The following KIAA0753 variants were observed in gnomAD, a reference collection of about 807,000 sequenced individuals.
KIAA0753 encodes the protein protein moonraker.
Under a neutral mutation model 116.9 loss-of-function variants are expected in KIAA0753, and 114 were observed. The observed-to-expected ratio is 0.98, with a 90% CI of 0.84 to 1.14. The LOEUF is 1.14. Among genes scored for constraint, KIAA0753 ranks in the 50% most tolerant of loss-of-function variants. The pLI, the probability that KIAA0753 is intolerant of heterozygous loss-of-function variation, is 0.00. For synonymous variants in KIAA0753, 405 were observed against 413.1 expected, an observed-to-expected ratio of 0.98 and a Z score of 0.24; for missense variants, 1,156 against 1,172.4, an observed-to-expected ratio of 0.99 and a Z score of 0.20.
At position 6,590,567 on chromosome 17, in the gene KIAA0753, G is replaced by A. The variant is rs1240088481; in HGVS notation, c.2504C>T (p.Thr835Ile). ...LSPHPIRITKTVDRKDPAVNI... is the reference protein window; with the variant it reads ...LSPHPIRITKIVDRKDPAVNI... ...CACGGCTGGATCCTTGCGATCCACT[G>A]TCTTCGTGATTCTGATTGGATGAGG... Residue 835 changes from threonine (T) to isoleucine (I), a missense_variant, in exon 17 of 19, where the codon ACA becomes ATA. Physicochemically the swap from Thr to Ile is moderately conservative, Grantham distance 89 (BLOSUM62 -1). Coordinates refer to ENST00000361413, the MANE Select transcript of KIAA0753 (RefSeq NM_014804.3). The A allele has an allele frequency of 1.2e-6, 2 of 1,613,866 alleles. No homozygotes were observed. The highest frequency in any genetic ancestry group is 2.2e-5 in the East Asian group (1 of 44,894).
At position 6,623,445 on chromosome 17, in the gene KIAA0753, C is replaced by G. The variant is rs10521150; in HGVS notation, c.888+64G>C. ...TTAGTGCAGAGGGCCCTACACAATACTAACAAAACACTGGGAAATGTCATT... is the reference window on the plus strand; with the variant it reads ...TTAGTGCAGAGGGCCCTACACAATAGTAACAAAACACTGGGAAATGTCATT... On this transcript the variant is annotated intron_variant, in intron 5 of 18. Transcript: ENST00000361413. 0.098 allele frequency: 135,438 copies of G among 1,381,418 alleles called. 7,388 individuals carry two copies. The highest frequency in any genetic ancestry group is 0.12 in the African/African-American group (8,355 of 69,544). The allele number at this position is 1,381,418 out of a possible 1,614,324, so 85.6% of individuals were successfully genotyped here.
intron 12 of KIAA0753, among the ~76,000 whole-genome samples, chr17:6,606,018 T>TGACC (rs747186956): frequency 3.9e-5 from 6 of 152,122 alleles, no homozygotes; most frequent in Non-Finnish European, 8.8e-5. Flanking sequence ...TAGCTATAAA[T>TGACC]GACCATGAAA....
intron 7 of KIAA0753, among the ~76,000 whole-genome samples, chr17:6,618,398 C>T (rs1158592113): frequency 6.6e-6 from 1 of 152,232 alleles, no homozygotes; most frequent in Non-Finnish European, 1.5e-5. Context: ...ATTTTATAGC[C>T]TGTCGCTCAG....
chr17:6,627,583 G>A (rs75751520), intron 3 of KIAA0753, among the ~76,000 whole-genome samples: 1,576 of 152,216 alleles, frequency 0.01, 31 homozygotes, highest in African/African-American at 0.035. Context: ...CTGCAGAACT[G>A]TAGAAAACCA....
At chr17:6,625,437 T>A (rs960243718) in intron 3 of KIAA0753, among the ~76,000 whole-genome samples, 4 of 152,018 alleles carry the variant, frequency 2.6e-5, no homozygotes, top group African/African-American at 9.7e-5. Flanking sequence ...GAGGCTGAGA[T>A]GGGCGGATCA....
chr17:6,594,602 G>T (rs1007904552), intron 16 of KIAA0753, among the ~76,000 whole-genome samples: 3 of 152,096 alleles, frequency 2.0e-5, no homozygotes, highest in Admixed American at 6.5e-5. Context: ...ATAGGGGTTT[G>T]CATAACAGAC....
intron 18 of KIAA0753, among the ~76,000 whole-genome samples, chr17:6,580,511 T>C (rs1342800474): frequency 6.6e-6 from 1 of 151,862 alleles, no homozygotes; most frequent in Admixed American, 6.5e-5. Flanking sequence ...AGAGATGGGG[T>C]TTCACCATGT....
intron 10 of KIAA0753, among the ~76,000 whole-genome samples, chr17:6,607,607 T>A (rs939038844): frequency 1.3e-5 from 2 of 152,216 alleles, no homozygotes; most frequent in Non-Finnish European, 2.9e-5. Flanking sequence ...AGGAGCCATA[T>A]AGGCATGGTG....
chr17:6,622,676 C>T (rs897902220), intron 6 of KIAA0753, among the ~76,000 whole-genome samples: 1 of 152,186 alleles, frequency 6.6e-6, no homozygotes, highest in Non-Finnish European at 1.5e-5. Flanking sequence ...TTCAAGTTAC[C>T]AATTTTCGAA....
chr17:6,583,006 C>T (rs945120463), intron 18 of KIAA0753, among the ~76,000 whole-genome samples: 5 of 152,148 alleles, frequency 3.3e-5, no homozygotes, highest in South Asian at 4.1e-4. Context: ...TACCTATTTA[C>T]CTATTTTTAA....
rs971680696 is a variant in KIAA0753, at chr17:6,611,851, C to G, written c.1545+68G>C. Reference sequence around the variant, plus strand: ...GCCTGAGAACTGGCTCCACCATATACCAGTTTATGTGACCTTGACAATGTC... The same window carrying G: ...GCCTGAGAACTGGCTCCACCATATAGCAGTTTATGTGACCTTGACAATGTC... On this transcript the variant is annotated intron_variant, in intron 8 of 18. Coordinates refer to ENST00000361413, the MANE Select transcript of KIAA0753 (RefSeq NM_014804.3). 4.1e-5 allele frequency: 53 copies of G among 1,307,922 alleles called. 2 individuals carry two copies. In the Middle Eastern group the frequency reaches 4.6e-3, roughly 114 times the overall value. 81.0% of individuals were successfully genotyped at this position (1,307,922 alleles called of 1,614,324 possible).
intron 6 of KIAA0753, 30 bp downstream of exon 6, chr17:6,622,852 C>A (rs774484872): frequency 6.3e-7 from 1 of 1,585,436 alleles, no homozygotes; most frequent in Non-Finnish European, 8.7e-7. Context: ...TCCAATGCAC[C>A]TCTAACAAAA....
At chr17:6,634,794 T>C in intron 2 of KIAA0753, 1 of 481,934 alleles carries the variant, frequency 2.1e-6, no homozygotes, top group Non-Finnish European at 3.8e-6. Context: ...GGAGAAGTAT[T>C]CTCAAATATT....
intron 14 of KIAA0753, 111 bp downstream of exon 14, chr17:6,599,126 T>C (rs1969677048): frequency 1.4e-6 from 1 of 737,516 alleles, no homozygotes; most frequent in Admixed American, 2.2e-5. Context: ...TATTCATACT[T>C]CTTGAGTAGG....
At chr17:6,584,879 G>A (rs2150729822) in intron 18 of KIAA0753, among the ~76,000 whole-genome samples, 1 of 152,282 alleles carries the variant, frequency 6.6e-6, no homozygotes, top group African/African-American at 2.4e-5. Flanking sequence ...TCAGCTCACT[G>A]CAGCCTTGAT....
At chr17:6,580,626 TGAA>T (rs1026282809) in intron 18 of KIAA0753, among the ~76,000 whole-genome samples, 1 of 152,050 alleles carries the variant, frequency 6.6e-6, no homozygotes, top group Non-Finnish European at 1.5e-5. Context: ...AAGATACTTT[TGAA>T]GAAGAAAAAC....
At position 6,611,979 on chromosome 17, in the gene KIAA0753, C is replaced by T. The variant is rs1481620980; in HGVS notation, c.1485G>A (p.Lys495=). ...AVAKTKAGKK[K]PVTENVPFRK... ...TAAACGGCACATTCTCAGTCACAGG[C>T]TTCTTTTTCCCTGCTTTTGTTTTTG... Residue 495 remains lysine (K), a synonymous_variant, in exon 8 of 19, where the codon AAG becomes AAA. Transcript: ENST00000361413. The T allele has an allele frequency of 1.2e-6, 2 of 1,614,070 alleles. No individual in the cohort carries two copies. Among genetic ancestry groups the T allele is most frequent in the East Asian group, 2.2e-5 (1 of 44,890 alleles).
At chr17:6,632,048 A>T (rs944043810) in intron 2 of KIAA0753, among the ~76,000 whole-genome samples, 1 of 151,854 alleles carries the variant, frequency 6.6e-6, no homozygotes, top group African/African-American at 2.4e-5. Context: ...ATGCTCAGCT[A>T]ATTTTTTTGT....
Position 6,624,810 on chromosome 17 carries a change from C to A in KIAA0753, c.770G>T (p.Arg257Met). ...DPDEERRIRI[R>M]RQEQAARSAR... ...AGAGCGAGCAGCTTGCTCCTGTCTC[C>A]TGATACGGATTCGACGTTCTTCATC... is the stretch of plus-strand genomic sequence containing the variant. Residue 257 changes from arginine (R) to methionine (M), a missense_variant, in exon 4 of 19, where the codon AGG (arginine) becomes ATG (methionine). Physicochemically the swap from Arg to Met is moderately conservative, Grantham distance 91 (BLOSUM62 -1). Coordinates refer to ENST00000361413, the MANE Select transcript of KIAA0753 (RefSeq NM_014804.3). The A allele has an allele frequency of 6.4e-7, 1 of 1,564,162 alleles. No homozygotes were observed. The highest frequency in any genetic ancestry group is 8.7e-7 in the Non-Finnish European group (1 of 1,152,192).
Sources: gnomAD v4.1 joint callset for allele counts (sites outside exome capture counted in the v4.1 genomes callset) on GRCh38, gnomAD v4.1.1 for gene constraint, MANE v1.5 for transcripts, NCBI Gene and HGNC (gene_info 2026-07-23, HGNC 2026-07-21) for gene names.